PTPRD: variants seen among roughly 807,000 people sequenced by gnomAD.
PTPRD encodes protein tyrosine phosphatase receptor type D.
In PTPRD, 34 loss-of-function variants were observed where a neutral mutation model predicts 214.5. The observed-to-expected ratio is 0.16, with a 90% CI of 0.12 to 0.21. The LOEUF (loss-of-function observed/expected upper bound fraction) is 0.21, where lower values mean the gene tolerates loss of function less well. Among genes scored for constraint, PTPRD ranks in the 10% least tolerant of loss-of-function variants. The pLI, the probability that PTPRD is intolerant of heterozygous loss-of-function variation, is 1.00. For missense variants in PTPRD, 2,545 were observed against 2,398.7 expected, an observed-to-expected ratio of 1.06 and a Z score of -1.27; for synonymous variants, 1,128 against 845.7, an observed-to-expected ratio of 1.33 and a Z score of -5.79.
In PTPRD at chr9:8,331,662, T is replaced by C; in HGVS notation, c.5454A>G (p.Glu1818=). The C allele has an allele frequency of 6.2e-7, 1 of 1,613,914 alleles. No individual in the cohort carries two copies. The highest frequency in any genetic ancestry group is 8.5e-7 in the Non-Finnish European group (1 of 1,179,926). The change falls in exon 44 of 46, where the codon GAA becomes GAG. Residue 1818 remains glutamate (E), a synonymous_variant. Coordinates refer to ENST00000381196, the MANE Select transcript of PTPRD (RefSeq NM_002839.4). ...WPEQGVPKSG[E]GFIDFIGQVH... ...CTTGGCCGATGAAGTCAATAAATCC[T>C]TCTCCGGACTTTGGCACTCCTTGCT...
At chr9:8,369,075 A>C (rs1192544117) in intron 39 of PTPRD, among the ~76,000 whole-genome samples, 2 of 152,124 alleles carry the variant, frequency 1.3e-5, no homozygotes, top group African/African-American at 4.8e-5. Flanking sequence ...TCTATGGTTC[A>C]CGTTTGTCAG....
chr9:10,193,666 T>G (rs2099384389), intron 3 of PTPRD, among the ~76,000 whole-genome samples: 1 of 152,186 alleles, frequency 6.6e-6, no homozygotes, highest in African/African-American at 2.4e-5. Context: ...GTTACAGAAT[T>G]TCTTTGTAAG....
chr9:10,472,415 G>A (rs183116137), intron 2 of PTPRD, among the ~76,000 whole-genome samples: 3 of 150,494 alleles, frequency 2.0e-5, no homozygotes, highest in East Asian at 3.9e-4. Context: ...TTTATCTTTT[G>A]CAAATGTGGT....
In PTPRD at chr9:9,403,109, G is replaced by A. The variant is rs539874543; in HGVS notation, c.-236-5627C>T. Among the ~76,000 whole-genome samples, 4 of 150,840 alleles carry A rather than the reference G, an allele frequency of 2.7e-5. No individual in the cohort carries two copies. The East Asian group carries it at 7.8e-4, about 30-fold the overall frequency. On this transcript the variant is annotated intron_variant, in intron 8 of 45. Coordinates refer to ENST00000381196, the MANE Select transcript of PTPRD (RefSeq NM_002839.4). ...ATTCAAGAATAGCCTGGCCAACATG[G>A]TAAAACCCCATCTCTACTAAAAATA...
At chr9:10,301,592 A>T (rs750072281) in intron 3 of PTPRD, among the ~76,000 whole-genome samples, 34 of 152,222 alleles carry the variant, frequency 2.2e-4, no homozygotes, top group Non-Finnish European at 4.1e-4. Context: ...GATAGAGCTG[A>T]AAAACACAGC....
chr9:9,812,130 T>C (rs1293172654), intron 5 of PTPRD, among the ~76,000 whole-genome samples: 1 of 102,498 alleles, frequency 9.8e-6, no homozygotes, highest in African/African-American at 7.2e-5. Flanking sequence ...TTAATGAAGG[T>C]ATATGCATTT....
intron 6 of PTPRD, among the ~76,000 whole-genome samples, chr9:9,752,340 ATG>A (rs2098528697): frequency 6.6e-6 from 1 of 152,074 alleles, no homozygotes; most frequent in African/African-American, 2.4e-5. Flanking sequence ...AAATGGTATC[ATG>A]GAACAACATT....
At chr9:10,557,756 G>C (rs577444448) in intron 2 of PTPRD, among the ~76,000 whole-genome samples, 17 of 152,222 alleles carry the variant, frequency 1.1e-4, no homozygotes, top group South Asian at 2.1e-4. Context: ...ATAACTCCTC[G>C]GGAAGGGCTA....
chr9:8,702,667 G>A (rs370068853), intron 12 of PTPRD, among the ~76,000 whole-genome samples: 7 of 152,186 alleles, frequency 4.6e-5, no homozygotes, highest in African/African-American at 1.4e-4. Context: ...CAGCTGGAGT[G>A]CAGTGGCACG....
intron 10 of PTPRD, among the ~76,000 whole-genome samples, chr9:9,106,268 A>G (rs2154445530): frequency 6.6e-6 from 1 of 152,212 alleles, no homozygotes; most frequent in Non-Finnish European, 1.5e-5. Flanking sequence ...AGGGAAGTAC[A>G]CAGGATTTGG....
intron 7 of PTPRD, among the ~76,000 whole-genome samples, chr9:9,653,537 G>A (rs575302221): frequency 6.8e-4 from 103 of 152,230 alleles, no homozygotes; most frequent in African/African-American, 2.5e-3. Context: ...AACAAAAGCA[G>A]TCAACAGCCT....
At chr9:9,400,288 C>G (rs565681552) in intron 8 of PTPRD, among the ~76,000 whole-genome samples, 1 of 151,940 alleles carries the variant, frequency 6.6e-6, no homozygotes, top group African/African-American at 2.4e-5. Context: ...CTATTTTACT[C>G]AAATGGTAAC....
At chr9:8,684,376 G>C (rs147988252) in intron 12 of PTPRD, among the ~76,000 whole-genome samples, 1 of 152,022 alleles carries the variant, frequency 6.6e-6, no homozygotes, top group East Asian at 1.9e-4. Flanking sequence ...AAGCTAATAA[G>C]GTGCTCAATG....
chr9:9,387,547 AT>A (rs1379406795), intron 9 of PTPRD, among the ~76,000 whole-genome samples: 2 of 152,146 alleles, frequency 1.3e-5, no homozygotes, highest in Non-Finnish European at 2.9e-5. Context: ...GCTGAAAAAA[AT>A]TCCCTCCTCT....
Position 8,885,488 on chromosome 9 carries a change from C to CTTT in PTPRD, c.-104+133206_-104+133208dup, listed in dbSNP as rs35568734. ...GTCTTTCCATTATACCACACAGCCT[C>CTTT]TTTTTTTTTTTTTTTTTTTTTTTCT... is the stretch of plus-strand genomic sequence containing the variant. On this transcript the variant is annotated intron_variant, in intron 11 of 45. Coordinates refer to ENST00000381196, the MANE Select transcript of PTPRD (RefSeq NM_002839.4). 2.5e-3 allele frequency among the ~76,000 whole-genome samples: 234 copies of CTTT among 93,338 alleles called. 1 individual carries two copies. The highest frequency in any genetic ancestry group is 4.4e-3 in the East Asian group (13 of 2,984). The allele number at this position is 93,338 out of a possible 152,430, so 61.2% of individuals were successfully genotyped here.
chr9:10,009,518 A>G (rs757353458), intron 4 of PTPRD, among the ~76,000 whole-genome samples: 7 of 151,964 alleles, frequency 4.6e-5, no homozygotes, highest in Non-Finnish European at 1.0e-4. Flanking sequence ...AGCAATAGAA[A>G]GGAGTGTCTG....
intron 7 of PTPRD, among the ~76,000 whole-genome samples, chr9:9,680,798 G>A (rs920706710): frequency 3.3e-5 from 5 of 151,666 alleles, no homozygotes; most frequent in African/African-American, 1.2e-4. Context: ...TGCTGCTTGA[G>A]CTGATTAACT....
chr9:10,513,778 C>T (rs944797146), intron 2 of PTPRD, among the ~76,000 whole-genome samples: 5 of 152,102 alleles, frequency 3.3e-5, no homozygotes, highest in African/African-American at 1.2e-4. Flanking sequence ...TCACATTGGA[C>T]ACACAGTGCA....
At chr9:9,505,759 T>G (rs1386129169) in intron 8 of PTPRD, among the ~76,000 whole-genome samples, 1 of 151,510 alleles carries the variant, frequency 6.6e-6, no homozygotes, top group East Asian at 1.9e-4. Flanking sequence ...AAATGTTTAA[T>G]ATATTTATAA....
Sources: allele counts gnomAD v4.1 joint callset (sites outside exome capture counted in the v4.1 genomes callset), GRCh38; gene constraint gnomAD v4.1.1; transcripts MANE v1.5; gene names NCBI Gene and HGNC (gene_info 2026-07-23, HGNC 2026-07-21).